Variants in RBBP8 observed in about 807,000 individuals in gnomAD.
RBBP8 encodes RB binding protein 8, endonuclease.
Under a neutral mutation model 108.3 loss-of-function variants are expected in RBBP8, and 88 were observed. The ratio of observed to expected loss-of-function variants is 0.81; its 90% CI spans 0.68 to 0.97. The LOEUF is 0.97. RBBP8 is among the 50% of genes least tolerant of loss of function. RBBP8 has a pLI of 0.00. For synonymous variants in RBBP8, 332 were observed against 348.2 expected, an observed-to-expected ratio of 0.95 and a Z score of 0.52; for missense variants, 1,023 against 1,049.0, an observed-to-expected ratio of 0.98 and a Z score of 0.34.
At chr18:23,025,998 A>G in intron 18 of RBBP8, 145 bp from the exon 19 acceptor site, 3 of 702,536 alleles carry the variant, frequency 4.3e-6, no homozygotes, top group Non-Finnish European at 7.6e-6. Context: ...AAATAGTGAG[A>G]TCAATCATCA....
chr18:23,003,495 G>A (rs1408342785), intron 15 of RBBP8, among the ~76,000 whole-genome samples: 1 of 152,196 alleles, frequency 6.6e-6, no homozygotes, highest in Non-Finnish European at 1.5e-5. Context: ...TCACTGTAAT[G>A]TAAACTCCAT....
intron 17 of RBBP8, among the ~76,000 whole-genome samples, chr18:23,020,553 C>G (rs1306619090): frequency 6.6e-6 from 1 of 151,952 alleles, no homozygotes; most frequent in East Asian, 1.9e-4. Context: ...TCATTCTTGT[C>G]TCTTAACAAT....
chr18:22,940,984 A>G (rs1456466645), intron 2 of RBBP8, among the ~76,000 whole-genome samples: 1 of 151,938 alleles, frequency 6.6e-6, no homozygotes, highest in Admixed American at 6.6e-5. Flanking sequence ...TCTGATTGTC[A>G]TTGTACAAGT....
chr18:22,966,575 T>TA (rs1324193536), intron 4 of RBBP8, among the ~76,000 whole-genome samples: 127 of 20,054 alleles, frequency 6.3e-3, no homozygotes, highest in African/African-American at 0.013. Flanking sequence ...CCCATCTCAT[T>TA]AAAAAAAAAA....
intron 6 of RBBP8, among the ~76,000 whole-genome samples, chr18:22,979,411 C>T (rs1395439942): frequency 6.6e-6 from 1 of 152,002 alleles, no homozygotes; most frequent in East Asian, 1.9e-4. Context: ...TTAAAGCCTA[C>T]AAATAATATT....
intron 18 of RBBP8, among the ~76,000 whole-genome samples, chr18:23,025,086 C>T (rs549400388): frequency 1.8e-4 from 27 of 151,592 alleles, no homozygotes; most frequent in South Asian, 4.2e-4. Context: ...TGGCTCTAGA[C>T]GAAATAAATA....
intron 15 of RBBP8, among the ~76,000 whole-genome samples, chr18:23,004,019 T>G (rs1197986617): frequency 7.6e-6 from 1 of 131,544 alleles, no homozygotes; most frequent in Non-Finnish European, 1.5e-5. Context: ...ATCACGCCAC[T>G]GTGCTCCAGC....
rs1914995262 is a variant in RBBP8 at position 22,982,383 on chromosome 18, G to A, written c.594G>A (p.Val198=). ...EQTHTKLEHS[V]CANEMRKVSK... Reference sequence around the variant, plus strand: ...CACATACTAAATTGGAGCACTCTGTGTGTGCAAATGGTAAGAGTTGGAGTT... The same window carrying A: ...CACATACTAAATTGGAGCACTCTGTATGTGCAAATGGTAAGAGTTGGAGTT... The change falls in exon 7 of 19, where the codon GTG becomes GTA. Residue 198 remains valine (V), a synonymous_variant. Coordinates refer to ENST00000327155, the MANE Select transcript of RBBP8 (RefSeq NM_002894.3). 1 of 1,614,048 alleles carries A rather than the reference G, an allele frequency of 6.2e-7. No individual in the cohort carries two copies. The highest frequency in any genetic ancestry group is 8.5e-7 in the Non-Finnish European group (1 of 1,179,984).
At position 23,026,194 on chromosome 18, in the gene RBBP8, C is replaced by T; in HGVS notation, c.2648C>T (p.Pro883Leu). Residue 883 changes from proline to leucine, a missense_variant, in exon 19 of 19, where the codon CCT (proline) becomes CTT (leucine). Physicochemically the swap from Pro to Leu is moderately conservative, Grantham distance 98. Transcript: ENST00000327155. Reference sequence around the variant, plus strand: ...TGTCCTCGTCCAAAAAGACGTCAGCCTTACAACGCAATATTTTCTCCAAAA... The same window carrying T: ...TGTCCTCGTCCAAAAAGACGTCAGCTTTACAACGCAATATTTTCTCCAAAA... ...DPCPRPKRRQPYNAIFSPKGK... is the reference protein window; with the variant it reads ...DPCPRPKRRQLYNAIFSPKGK... The T allele has an allele frequency of 1.2e-6, 2 of 1,613,848 alleles. No homozygotes were observed. The highest frequency in any genetic ancestry group is 1.7e-6 in the Non-Finnish European group (2 of 1,179,832).
chr18:23,006,006 G>T (rs1271962305), intron 15 of RBBP8, among the ~76,000 whole-genome samples: 1 of 151,750 alleles, frequency 6.6e-6, no homozygotes, highest in Non-Finnish European at 1.5e-5. Flanking sequence ...CTAACATGGT[G>T]AAACCCTGTC....
At chr18:23,017,741 C>CTTTTTTT (rs928545363) in intron 17 of RBBP8, among the ~76,000 whole-genome samples, 30 of 89,188 alleles carry the variant, frequency 3.4e-4, no homozygotes, top group African/African-American at 9.5e-4. Context: ...AATATAAGTT[C>CTTTTTTT]TTTTTTTTTT....
rs529168017 is a variant in RBBP8 at position 22,958,448 on chromosome 18, C to G, written c.248+8735C>G. 6.6e-5 allele frequency among the ~76,000 whole-genome samples: 10 copies of G among 152,252 alleles called. 1 individual carries two copies. In the South Asian group the frequency reaches 1.9e-3, roughly 28 times the overall value. ...ATTTAAATGTTTTTTTCTAGAATTT[C>G]TCACTACCCTTTTTCATGTTGAGAC... On this transcript the variant is annotated intron_variant, in intron 4 of 18. Coordinates refer to ENST00000327155, the MANE Select transcript of RBBP8 (RefSeq NM_002894.3).
chr18:22,992,995 C>T lies in RBBP8; in HGVS notation c.1168C>T (p.Leu390Phe), dbSNP rs1388814444. Reference sequence around the variant, plus strand: ...TAGTGCCCTTTTCACACATCACAGTCTTGGGTCTGAAGTGAACAAGATCAT... The same window carrying T: ...TAGTGCCCTTTTCACACATCACAGTTTTGGGTCTGAAGTGAACAAGATCAT... ...EDSALFTHHS[L>F]GSEVNKIIIQ... Residue 390 changes from leucine to phenylalanine, a missense_variant, in exon 11 of 19, where the codon CTT becomes TTT. Transcript: ENST00000327155. 1 of 1,613,596 alleles carries T rather than the reference C, an allele frequency of 6.2e-7. No homozygotes were observed. The highest frequency in any genetic ancestry group is 1.3e-5 in the African/African-American group (1 of 75,016).
intron 6 of RBBP8, among the ~76,000 whole-genome samples, chr18:22,980,890 T>C (rs1914869249): frequency 6.6e-6 from 1 of 151,092 alleles, no homozygotes; most frequent in Non-Finnish European, 1.5e-5. Flanking sequence ...AATTTTTTAA[T>C]ATATTTGTAC....
intron 18 of RBBP8, among the ~76,000 whole-genome samples, chr18:23,022,666 A>AATAAAAT (rs2046387533): frequency 1.4e-5 from 2 of 142,418 alleles, no homozygotes; most frequent in Non-Finnish European, 3.0e-5. Flanking sequence ...AATAAAATAA[A>AATAAAAT]ATAAATAACT....
chr18:22,963,752 G>GA (rs1410718374), intron 4 of RBBP8, among the ~76,000 whole-genome samples: 4 of 152,010 alleles, frequency 2.6e-5, no homozygotes, highest in Non-Finnish European at 5.9e-5. Context: ...GTTTATTTTA[G>GA]AAAATCACAC....
At chr18:22,967,889 C>T (rs1175699503) in intron 4 of RBBP8, among the ~76,000 whole-genome samples, 2 of 152,070 alleles carry the variant, frequency 1.3e-5, no homozygotes, top group South Asian at 2.1e-4. Context: ...CCTTGTGTTC[C>T]GCCCGCCTCG....
chr18:22,948,456 T>G lies in RBBP8; in HGVS notation c.153-1162T>G, dbSNP rs549454292. On this transcript the variant is annotated intron_variant, in intron 3 of 18. Transcript: ENST00000327155. ...CAATGATATATTACTTTCTGTTATT[T>G]TCAAGTTCTCAGATGTCCCTACATG... 2.7e-4 allele frequency among the ~76,000 whole-genome samples: 41 copies of G among 152,274 alleles called. No homozygotes were observed. In the East Asian group the frequency reaches 2.7e-3, roughly 10 times the overall value.
intron 16 of RBBP8, among the ~76,000 whole-genome samples, chr18:23,015,494 G>T (rs1454968061): frequency 6.6e-6 from 1 of 151,872 alleles, no homozygotes; most frequent in Non-Finnish European, 1.5e-5. Context: ...TGCTTTTATT[G>T]TCTGTTATTT....
Sources: allele counts gnomAD v4.1 joint callset (sites outside exome capture counted in the v4.1 genomes callset), GRCh38; gene constraint gnomAD v4.1.1; transcripts MANE v1.5; gene names NCBI Gene and HGNC (gene_info 2026-07-23, HGNC 2026-07-21).